The following RBM20 variants were observed in gnomAD, a reference collection of about 807,000 sequenced individuals.
RBM20 encodes RNA-binding protein 20.
Under a neutral mutation model 110.1 loss-of-function variants are expected in RBM20, and 51 were observed. The observed-to-expected ratio is 0.46, with a 90% CI of 0.37 to 0.59. RBM20 has a LOEUF of 0.59. Ranked by LOEUF, RBM20 falls within the 20% of genes least tolerant of loss-of-function variation. The probability of loss-of-function intolerance (pLI) is 0.00; values close to 1 mark genes in which losing one functional copy is unlikely to be tolerated. For synonymous variants in RBM20, 589 were observed against 618.2 expected, an observed-to-expected ratio of 0.95 and a Z score of 0.70; for missense variants, 1,512 against 1,574.9, an observed-to-expected ratio of 0.96 and a Z score of 0.68.
At chr10:110,754,943 G>T (rs144200637) in intron 1 of RBM20, among the ~76,000 whole-genome samples, 1 of 152,166 alleles carries the variant, frequency 6.6e-6, no homozygotes, top group Non-Finnish European at 1.5e-5. Flanking sequence ...TATGTGTGGA[G>T]ATCCCCTGAG....
At chr10:110,774,902 G>GA (rs1844241385) in intron 1 of RBM20, among the ~76,000 whole-genome samples, 1 of 152,062 alleles carries the variant, frequency 6.6e-6, no homozygotes, top group Admixed American at 6.6e-5. Flanking sequence ...CATTATAGCA[G>GA]AGTTGAGAAT....
intron 1 of RBM20, among the ~76,000 whole-genome samples, chr10:110,750,327 G>T (rs890408122): frequency 1.3e-5 from 2 of 152,286 alleles, no homozygotes; most frequent in Admixed American, 1.3e-4. Flanking sequence ...TCTTATCACT[G>T]CCATCAGCAA....
intron 1 of RBM20, among the ~76,000 whole-genome samples, chr10:110,726,866 G>A (rs1011507647): frequency 6.6e-6 from 1 of 152,178 alleles, no homozygotes; most frequent in African/African-American, 2.4e-5. Flanking sequence ...TTATTTTTGA[G>A]ATGGAGTTTT....
At chr10:110,711,620 G>A (rs889347836) in intron 1 of RBM20, among the ~76,000 whole-genome samples, 2 of 152,230 alleles carry the variant, frequency 1.3e-5, no homozygotes, top group African/African-American at 4.8e-5. Flanking sequence ...GGTTGACATT[G>A]CCCAGATGGG....
At position 110,788,139 on chromosome 10, in the gene RBM20, C is replaced by G. The variant is rs141964137; in HGVS notation, c.1527+3250C>G. ...GAAGCCTCATTTGTAACCACTAAGC[C>G]CTGCAGCCTCTCTGCGAGGATCTGA... On this transcript the variant is annotated intron_variant, in intron 5 of 13. Transcript: ENST00000369519. 5.9e-3 allele frequency among the ~76,000 whole-genome samples: 895 copies of G among 151,494 alleles called. 3 individuals carry two copies. Among genetic ancestry groups the G allele is most frequent in the Middle Eastern group, 0.014 (4 of 286 alleles).
intron 12 of RBM20, among the ~76,000 whole-genome samples, chr10:110,824,773 T>G (rs1264794612): frequency 6.6e-6 from 1 of 151,936 alleles, no homozygotes; most frequent in African/African-American, 2.4e-5. Flanking sequence ...CTCTGAAAGG[T>G]CGGAATTAGA....
intron 1 of RBM20, among the ~76,000 whole-genome samples, chr10:110,716,694 C>T (rs1863022398): frequency 6.6e-6 from 1 of 151,898 alleles, no homozygotes; most frequent in Non-Finnish European, 1.5e-5. Flanking sequence ...TGGGCAGATC[C>T]TGAGGTCAGG....
intron 7 of RBM20, among the ~76,000 whole-genome samples, chr10:110,810,050 T>C (rs999726316): frequency 6.6e-6 from 1 of 152,160 alleles, no homozygotes; most frequent in Non-Finnish European, 1.5e-5. Context: ...TCCATCCCTC[T>C]GTCCTTTTCT....
At chr10:110,767,513 G>A (rs1451724534) in intron 1 of RBM20, among the ~76,000 whole-genome samples, 2 of 145,838 alleles carry the variant, frequency 1.4e-5, no homozygotes, top group African/African-American at 2.6e-5. Flanking sequence ...CGGGGCGGAG[G>A]GGCTCCTCAC....
In RBM20 at chr10:110,747,303, G is replaced by T. The variant is rs74158130; in HGVS notation, c.192-33498G>T. 2.1e-3 allele frequency among the ~76,000 whole-genome samples: 316 copies of T among 150,828 alleles called. 2 individuals are homozygous for T. Among genetic ancestry groups the T allele is most frequent in the African/African-American group, 7.1e-3 (293 of 41,030 alleles). ...TTTTAAAAACTCTTTTTTTGGGGGG[G>T]GGGGTCATTCTGGCAGGGTAGCACT... On this transcript the variant is annotated intron_variant, in intron 1 of 13. Coordinates refer to ENST00000369519, the MANE Select transcript of RBM20 (RefSeq NM_001134363.3).
chr10:110,788,300 T>C (rs1844445009), intron 5 of RBM20, among the ~76,000 whole-genome samples: 1 of 152,180 alleles, frequency 6.6e-6, no homozygotes, highest in Non-Finnish European at 1.5e-5. Flanking sequence ...TGGCCACCCA[T>C]GGAGCAAGAT....
In RBM20 at chr10:110,783,076, A is replaced by G. The variant is rs533145272; in HGVS notation, c.1276-290A>G. On this transcript the variant is annotated intron_variant, in intron 2 of 13. Coordinates refer to ENST00000369519, the MANE Select transcript of RBM20 (RefSeq NM_001134363.3). ...AGGTGGGAGGTAGGTGGTGGGGGCA[A>G]GGGTCCATTGAGAGGGGTAGAGGGA... Among the ~76,000 whole-genome samples, 442 of 152,164 alleles carry G rather than the reference A, an allele frequency of 2.9e-3. 1 individual carries two copies. The highest frequency in any genetic ancestry group is 6.8e-3 in the Middle Eastern group (2 of 292).
chr10:110,759,668 G>A (rs1843970127), intron 1 of RBM20, among the ~76,000 whole-genome samples: 2 of 152,178 alleles, frequency 1.3e-5, no homozygotes, highest in South Asian at 4.1e-4. Context: ...TGGAGATTCG[G>A]CTCCAGCAAG....
chr10:110,761,652 T>A (rs1844005639), intron 1 of RBM20, among the ~76,000 whole-genome samples: 1 of 152,208 alleles, frequency 6.6e-6, no homozygotes, highest in Non-Finnish European at 1.5e-5. Context: ...TCCCCACACG[T>A]GGGGTGTATA....
intron 1 of RBM20, among the ~76,000 whole-genome samples, chr10:110,752,787 G>C (rs960887309): frequency 1.3e-5 from 2 of 151,638 alleles, no homozygotes; most frequent in Admixed American, 1.3e-4. Context: ...AGCCATCCCA[G>C]CCTCCTTCCT....
chr10:110,745,454 A>G (rs973566689), intron 1 of RBM20, among the ~76,000 whole-genome samples: 2 of 152,192 alleles, frequency 1.3e-5, no homozygotes, highest in African/African-American at 4.8e-5. Flanking sequence ...CCAGGGCTCT[A>G]TTGCTACTCC....
chr10:110,656,881 G>A (rs1174139403), intron 1 of RBM20, among the ~76,000 whole-genome samples: 1 of 152,182 alleles, frequency 6.6e-6, no homozygotes, highest in Non-Finnish European at 1.5e-5. Flanking sequence ...TCTATTGATA[G>A]ACATTTGGGT....
intron 1 of RBM20, among the ~76,000 whole-genome samples, chr10:110,753,208 C>T (rs1228465140): frequency 6.6e-6 from 1 of 151,992 alleles, no homozygotes; most frequent in Non-Finnish European, 1.5e-5. Context: ...GCTGGGATTA[C>T]AGGTGTGAGC....
At chr10:110,769,137 G>A (rs1844150573) in intron 1 of RBM20, among the ~76,000 whole-genome samples, 2 of 152,182 alleles carry the variant, frequency 1.3e-5, no homozygotes, top group African/African-American at 4.8e-5. Context: ...CAGTGCCTGG[G>A]TTGAGTCAAT....
Sources: allele counts gnomAD v4.1 joint callset (sites outside exome capture counted in the v4.1 genomes callset), GRCh38; gene constraint gnomAD v4.1.1; transcripts MANE v1.5; gene names NCBI Gene and HGNC (gene_info 2026-07-23, HGNC 2026-07-21).